Variants in EHBP1 observed in about 807,000 individuals in gnomAD.
EHBP1 encodes EH domain-binding protein 1.
EHBP1 carries 55 observed loss-of-function variants against 144.0 expected under a neutral mutation model. The ratio of observed to expected loss-of-function variants is 0.38; its 90% CI spans 0.31 to 0.48. The LOEUF (loss-of-function observed/expected upper bound fraction) is 0.48. Ranked by LOEUF, EHBP1 falls within the 20% of genes least tolerant of loss-of-function variation. The pLI is 0.98. For missense variants in EHBP1, 1,200 were observed against 1,364.2 expected (o/e 0.88, Z 1.90); for synonymous variants, 469 against 472.7 (o/e 0.99, Z 0.10).
At chr2:62,860,773 TA>T (rs2049459208) in intron 8 of EHBP1, among the ~76,000 whole-genome samples, 1 of 152,156 alleles carries the variant, frequency 6.6e-6, no homozygotes. Flanking sequence ...TTTCTAAATG[TA>T]AGTCTGTTAT....
chr2:62,887,899 GC>G (rs2052076489), intron 10 of EHBP1, among the ~76,000 whole-genome samples: 1 of 152,118 alleles, frequency 6.6e-6, no homozygotes, highest in African/African-American at 2.4e-5. Flanking sequence ...CAAGGTCATT[GC>G]TCTACATTCA....
At chr2:62,930,291 G>T (rs2153038032) in intron 10 of EHBP1, among the ~76,000 whole-genome samples, 1 of 152,120 alleles carries the variant, frequency 6.6e-6, no homozygotes, top group Admixed American at 6.5e-5. Context: ...GCATCAAAAA[G>T]AATTAAATAT....
rs1343203143 is a variant in EHBP1 at position 62,965,574 on chromosome 2, C to T, written c.2460+9914C>T. On this transcript the variant is annotated intron_variant, in intron 14 of 22. Transcript: ENST00000431489. ...AATTTAAAGAGTCACTTGCATGTTGCCTTCTGAAAGGATTGTCTTGGTCAC... is the reference window on the plus strand; with the variant it reads ...AATTTAAAGAGTCACTTGCATGTTGTCTTCTGAAAGGATTGTCTTGGTCAC... 4.6e-5 allele frequency among the ~76,000 whole-genome samples: 7 copies of T among 152,254 alleles called. No homozygotes were observed. In the South Asian group the frequency reaches 1.5e-3, roughly 32 times the overall value.
At chr2:62,706,751 TGAG>T (rs1204547236) in intron 1 of EHBP1, 143 bp from the exon 2 acceptor site, 1 of 158,396 alleles carries the variant, frequency 6.3e-6, no homozygotes, top group Non-Finnish European at 1.4e-5. Context: ...TACTGGCTTT[TGAG>T]GTCAGTGTTT....
rs577007705 is a variant in EHBP1 at position 62,767,349 on chromosome 2, G to A, written c.258+2988G>A. ...ATGCATCAACAAAAATAAAATAGAGGATTTCTTAATATTAAATAATGATTA... is the reference window on the plus strand; with the variant it reads ...ATGCATCAACAAAAATAAAATAGAGAATTTCTTAATATTAAATAATGATTA... On this transcript the variant is annotated intron_variant, in intron 4 of 22. Coordinates refer to ENST00000431489, the MANE Select transcript of EHBP1 (RefSeq NM_001142616.3). 1.1e-4 allele frequency among the ~76,000 whole-genome samples: 17 copies of A among 152,084 alleles called. No homozygotes were observed. The East Asian group carries it at 3.1e-3, about 28-fold the overall frequency.
chr2:62,854,615 A>C (rs763350079), intron 7 of EHBP1, among the ~76,000 whole-genome samples: 10 of 152,214 alleles, frequency 6.6e-5, no homozygotes, highest in African/African-American at 1.2e-4. Context: ...GTCAGAATGC[A>C]CACATTATTG....
At chr2:62,885,290 C>G (rs2051829174) in intron 10 of EHBP1, among the ~76,000 whole-genome samples, 2 of 152,122 alleles carry the variant, frequency 1.3e-5, no homozygotes, top group Non-Finnish European at 1.5e-5. Context: ...AAAATTCAAA[C>G]TGCCCCACAG....
chr2:62,828,379 A>G (rs2046499024), intron 6 of EHBP1, among the ~76,000 whole-genome samples: 1 of 152,226 alleles, frequency 6.6e-6, no homozygotes, highest in South Asian at 2.1e-4. Flanking sequence ...AAATGATTTG[A>G]CTTTGAGTAC....
At chr2:62,858,751 G>T (rs2049276643) in intron 7 of EHBP1, among the ~76,000 whole-genome samples, 2 of 152,200 alleles carry the variant, frequency 1.3e-5, no homozygotes, top group South Asian at 2.1e-4. Context: ...GATAATACTT[G>T]GTCATACAAC....
intron 5 of EHBP1, among the ~76,000 whole-genome samples, chr2:62,816,343 TA>T (rs2045449006): frequency 1.3e-5 from 2 of 152,334 alleles, no homozygotes; most frequent in Middle Eastern, 3.4e-3. Flanking sequence ...TAAAACATGT[TA>T]ATATATGAAC....
chr2:62,861,376 C>T (rs1430537508), intron 8 of EHBP1, among the ~76,000 whole-genome samples: 3 of 151,228 alleles, frequency 2.0e-5, no homozygotes, highest in Admixed American at 6.6e-5. Flanking sequence ...AATCGGCCCA[C>T]CTTGGCCTCC....
intron 10 of EHBP1, among the ~76,000 whole-genome samples, chr2:62,879,258 C>G (rs1485925061): frequency 6.6e-6 from 1 of 152,098 alleles, no homozygotes; most frequent in African/African-American, 2.4e-5. Context: ...TGTCACCACT[C>G]CTATTCAACA....
chr2:62,881,784 G>A (rs1251638179), intron 10 of EHBP1: 5 of 152,166 alleles, frequency 3.3e-5, no homozygotes, highest in Admixed American at 1.3e-4. Flanking sequence ...ATAATATGGT[G>A]TCTTCTGTGT....
At chr2:62,831,489 A>G (rs1401901757) in intron 7 of EHBP1, among the ~76,000 whole-genome samples, 1 of 152,208 alleles carries the variant, frequency 6.6e-6, no homozygotes, top group African/African-American at 2.4e-5. Flanking sequence ...AAAGGATAAT[A>G]GGACACAATA....
At chr2:62,859,425 A>G (rs908496872) in intron 8 of EHBP1, 134 bp downstream of exon 8, 24 of 836,016 alleles carry the variant, frequency 2.9e-5, no homozygotes, top group African/African-American at 2.4e-4. Flanking sequence ...ATTGTGTTCA[A>G]TACCACTTGG....
At chr2:62,893,723 T>C (rs1050090574) in intron 10 of EHBP1, among the ~76,000 whole-genome samples, 2 of 152,020 alleles carry the variant, frequency 1.3e-5, no homozygotes, top group African/African-American at 4.8e-5. Context: ...TGGGTATAGG[T>C]GGCGAGGTAG....
intron 5 of EHBP1, among the ~76,000 whole-genome samples, chr2:62,786,232 C>G (rs1223162942): frequency 2.6e-5 from 4 of 152,096 alleles, no homozygotes; most frequent in Non-Finnish European, 5.9e-5. Context: ...GAGATGGACC[C>G]TGGCATTTCA....
chr2:62,892,393 A>C (rs2052535248), intron 10 of EHBP1, among the ~76,000 whole-genome samples: 1 of 152,152 alleles, frequency 6.6e-6, no homozygotes, highest in Admixed American at 6.5e-5. Context: ...GGTTCATTTA[A>C]TTGATTAGCA....
chr2:62,680,711 A>C (rs2033482486), intron 1 of EHBP1, among the ~76,000 whole-genome samples: 1 of 152,186 alleles, frequency 6.6e-6, no homozygotes, highest in African/African-American at 2.4e-5. Context: ...CTCAAGCAGT[A>C]GTGCTGTCTA....
Sources: allele counts gnomAD v4.1 joint callset (sites outside exome capture counted in the v4.1 genomes callset), GRCh38; gene constraint gnomAD v4.1.1; transcripts MANE v1.5; gene names NCBI Gene and HGNC (gene_info 2026-07-23, HGNC 2026-07-21).